The following ACSS3 variants were observed in gnomAD, a reference collection of about 807,000 sequenced individuals.
ACSS3 encodes the protein acyl-CoA synthetase short chain family member 3, also known as acyl-CoA synthetase short-chain family member 3, mitochondrial.
ACSS3 carries 64 observed loss-of-function variants against 84.2 expected under a neutral mutation model. The ratio of observed to expected loss-of-function variants is 0.76; its 90% CI spans 0.62 to 0.94. The LOEUF (loss-of-function observed/expected upper bound fraction) is 0.94, where lower values mean the gene tolerates loss of function less well. ACSS3 is among the 40% of genes least tolerant of loss of function. The pLI is 0.00. For missense variants in ACSS3, 815 were observed against 867.6 expected, an observed-to-expected ratio of 0.94 and a Z score of 0.76; for synonymous variants, 317 against 310.1, an observed-to-expected ratio of 1.02 and a Z score of -0.23.
intron 1 of ACSS3, among the ~76,000 whole-genome samples, chr12:81,097,401 G>C (rs1271054038): frequency 6.6e-6 from 1 of 152,172 alleles, no homozygotes; most frequent in Non-Finnish European, 1.5e-5. Flanking sequence ...TGACATGTGA[G>C]TTGTAGTTTG....
At chr12:81,178,301 CTG>C (rs1466254271) in intron 8 of ACSS3, among the ~76,000 whole-genome samples, 1 of 140,380 alleles carries the variant, frequency 7.1e-6, no homozygotes, top group East Asian at 2.0e-4. Context: ...ACATCACACT[CTG>C]GGGACTGTTG....
At chr12:81,209,527 C>G (rs746612662) in intron 9 of ACSS3, among the ~76,000 whole-genome samples, 1 of 152,030 alleles carries the variant, frequency 6.6e-6, no homozygotes, top group African/African-American at 2.4e-5. Flanking sequence ...TAAAACAACC[C>G]GGACAGTATT....
intron 8 of ACSS3, among the ~76,000 whole-genome samples, chr12:81,187,801 T>A (rs2031353508): frequency 6.6e-6 from 1 of 151,962 alleles, no homozygotes; most frequent in African/African-American, 2.4e-5. Context: ...AGGAGGAAGT[T>A]TTTTATTAAA....
chr12:81,252,180 T>C lies in ACSS3; in HGVS notation c.1720-1127T>C, dbSNP rs542229482. On this transcript the variant is annotated intron_variant, in intron 13 of 15. Transcript: ENST00000548058. The stretch of plus-strand genomic sequence containing the variant: ...TTGTTATTTCCTAAAGAAAAAGTTT[T>C]TGAGGCCCATATCTTTCTGCAAAAT... 7.2e-5 allele frequency among the ~76,000 whole-genome samples: 11 copies of C among 152,264 alleles called. 1 individual carries two copies. In the South Asian group the frequency reaches 2.3e-3, roughly 32 times the overall value.
intron 8 of ACSS3, among the ~76,000 whole-genome samples, chr12:81,198,652 A>G (rs1349594263): frequency 6.6e-6 from 1 of 151,208 alleles, no homozygotes; most frequent in Non-Finnish European, 1.5e-5. Flanking sequence ...GGGTCAACAC[A>G]ATTGTATTTT....
At chr12:81,112,778 T>C (rs1883714554) in intron 2 of ACSS3, among the ~76,000 whole-genome samples, 1 of 152,180 alleles carries the variant, frequency 6.6e-6, no homozygotes, top group Non-Finnish European at 1.5e-5. Context: ...TGTACATTAC[T>C]TGTTTTACTC....
intron 9 of ACSS3, among the ~76,000 whole-genome samples, chr12:81,203,608 C>T (rs2032208200): frequency 6.6e-6 from 1 of 152,108 alleles, no homozygotes; most frequent in Non-Finnish European, 1.5e-5. Context: ...AACAGATTAG[C>T]ACCCTCCACC....
intron 9 of ACSS3, among the ~76,000 whole-genome samples, chr12:81,202,305 A>C (rs1022069155): frequency 1.3e-5 from 2 of 148,788 alleles, no homozygotes; most frequent in Non-Finnish European, 2.9e-5. Context: ...TAAATAAATA[A>C]AAATAAAAAT....
At chr12:81,145,901 G>A (rs11613491) in intron 5 of ACSS3, among the ~76,000 whole-genome samples, 51,579 of 151,632 alleles carry the variant, frequency 0.34, 11,031 homozygotes, top group Non-Finnish European at 0.48. Context: ...GTGCGTGAGT[G>A]GGCTTTGCAA....
In ACSS3 at chr12:81,171,644, C is replaced by T. The variant is rs141039781; in HGVS notation, c.1099-3144C>T. 3.0e-4 allele frequency among the ~76,000 whole-genome samples: 45 copies of T among 151,956 alleles called. No individual in the cohort carries two copies. In the East Asian group the frequency reaches 5.4e-3, roughly 18 times the overall value. On this transcript the variant is annotated intron_variant, in intron 7 of 15. Transcript: ENST00000548058. ...TTATAATCCATAAGTATAATATTGA[C>T]GAAAATTAGTTTGGTACAGAGTCAG... is the stretch of plus-strand genomic sequence containing the variant.
At chr12:81,153,859 C>A (rs1428844737) in intron 7 of ACSS3, among the ~76,000 whole-genome samples, 1 of 152,176 alleles carries the variant, frequency 6.6e-6, no homozygotes, top group Non-Finnish European at 1.5e-5. Context: ...TTTTAGCTGG[C>A]TGATTTTCTG....
intron 1 of ACSS3, among the ~76,000 whole-genome samples, chr12:81,100,445 G>A (rs560597230): frequency 2.6e-5 from 4 of 152,146 alleles, no homozygotes; most frequent in South Asian, 4.1e-4. Context: ...TCTTTACAAG[G>A]ACATCTAACA....
chr12:81,104,390 C>G (rs1412839240), intron 1 of ACSS3, among the ~76,000 whole-genome samples: 1 of 152,134 alleles, frequency 6.6e-6, no homozygotes, highest in Non-Finnish European at 1.5e-5. Context: ...GCCAAACACT[C>G]CAGAAAAATA....
chr12:81,172,282 C>G (rs1266212354), intron 7 of ACSS3, among the ~76,000 whole-genome samples: 1 of 73,428 alleles, frequency 1.4e-5, no homozygotes, highest in Non-Finnish European at 3.2e-5. Flanking sequence ...AAAAAAGGCC[C>G]TGGTGATCCA....
chr12:81,140,605 G>T (rs1310973590), intron 4 of ACSS3, among the ~76,000 whole-genome samples: 1 of 152,154 alleles, frequency 6.6e-6, no homozygotes, highest in Non-Finnish European at 1.5e-5. Flanking sequence ...TTCATGAACT[G>T]CTGCACTTAA....
chr12:81,113,442 C>T (rs1176811871), intron 2 of ACSS3, among the ~76,000 whole-genome samples: 1 of 152,088 alleles, frequency 6.6e-6, no homozygotes, highest in Admixed American at 6.6e-5. Context: ...TTCATTTTTT[C>T]ACTTTCTTTT....
chr12:81,173,182 A>C (rs1306948759), intron 7 of ACSS3, among the ~76,000 whole-genome samples: 1 of 152,210 alleles, frequency 6.6e-6, no homozygotes, highest in Non-Finnish European at 1.5e-5. Context: ...TGTTAGAAAG[A>C]ATAAAGTTGT....
intron 13 of ACSS3, among the ~76,000 whole-genome samples, chr12:81,245,636 G>A (rs1303987356): frequency 6.6e-6 from 1 of 152,094 alleles, no homozygotes; most frequent in African/African-American, 2.4e-5. Flanking sequence ...CATACAGCTC[G>A]GGTTTTACAA....
intron 9 of ACSS3, among the ~76,000 whole-genome samples, chr12:81,205,826 C>T (rs2032322241): frequency 6.6e-6 from 1 of 152,028 alleles, no homozygotes; most frequent in Admixed American, 6.6e-5. Context: ...CATTATGCCT[C>T]TTGTTATTTT....
Sources: gnomAD v4.1 joint callset for allele counts (sites outside exome capture counted in the v4.1 genomes callset) on GRCh38, gnomAD v4.1.1 for gene constraint, MANE v1.5 for transcripts, NCBI Gene and HGNC (gene_info 2026-07-23, HGNC 2026-07-21) for gene names.